The following WDFY2 variants were observed in gnomAD, a reference collection of about 807,000 sequenced individuals.
WDFY2 encodes WD repeat and FYVE domain containing 2, also known as WD repeat and FYVE domain-containing protein 2.
In WDFY2, 36 loss-of-function variants were observed where a neutral mutation model predicts 56.4. That is an observed-to-expected ratio of 0.64 (90% CI 0.49 to 0.84). The LOEUF is 0.84. Ranked by LOEUF, WDFY2 falls within the 40% of genes least tolerant of loss-of-function variation. The pLI, the probability that WDFY2 is intolerant of heterozygous loss-of-function variation, is 0.00. For synonymous variants in WDFY2, 176 were observed against 183.7 expected, an observed-to-expected ratio of 0.96 and a Z score of 0.34; for missense variants, 444 against 512.2, an observed-to-expected ratio of 0.87 and a Z score of 1.29.
chr13:51,654,663 A>G (rs1451082936), intron 1 of WDFY2, among the ~76,000 whole-genome samples: 1 of 152,188 alleles, frequency 6.6e-6, no homozygotes, highest in Non-Finnish European at 1.5e-5. Context: ...GTTGCTTTTA[A>G]AATAACAATT....
At position 51,655,090 on chromosome 13, in the gene WDFY2, C is replaced by A. The variant is rs147795136; in HGVS notation, c.138-5506C>A. 1.4e-4 allele frequency among the ~76,000 whole-genome samples: 21 copies of A among 152,206 alleles called. 1 individual carries two copies. The East Asian group carries it at 3.7e-3, about 27-fold the overall frequency. On this transcript the variant is annotated intron_variant, in intron 1 of 11. Coordinates refer to ENST00000298125, the MANE Select transcript of WDFY2 (RefSeq NM_052950.4). ...CTTAATTAATTTAATTAGCTTCAGT[C>A]GTTTTTTCTTGAGTGGATTATTTAG...
chr13:51,729,991 C>T (rs935239944), intron 6 of WDFY2, among the ~76,000 whole-genome samples: 3 of 152,138 alleles, frequency 2.0e-5, no homozygotes, highest in African/African-American at 4.8e-5. Context: ...TCCTCCCCCT[C>T]GGCCCCCCAG....
intron 1 of WDFY2, among the ~76,000 whole-genome samples, chr13:51,635,046 C>T (rs1054379263): frequency 6.6e-5 from 10 of 152,168 alleles, no homozygotes; most frequent in African/African-American, 2.4e-4. Flanking sequence ...TCAAGCAATT[C>T]TCCTGCCTCA....
chr13:51,681,511 T>A (rs1955976156), intron 3 of WDFY2, among the ~76,000 whole-genome samples: 1 of 152,170 alleles, frequency 6.6e-6, no homozygotes, highest in South Asian at 2.1e-4. Context: ...AGCTTATGAT[T>A]CTGTCATTAT....
intron 2 of WDFY2, among the ~76,000 whole-genome samples, chr13:51,667,240 G>A (rs1177306805): frequency 1.3e-5 from 2 of 152,168 alleles, no homozygotes; most frequent in Admixed American, 1.3e-4. Context: ...GGTTGTGGCT[G>A]GGTTGGTTTC....
At chr13:51,654,561 C>T (rs1472931797) in intron 1 of WDFY2, among the ~76,000 whole-genome samples, 2 of 152,086 alleles carry the variant, frequency 1.3e-5, no homozygotes, top group South Asian at 4.1e-4. Flanking sequence ...GACTTTTTTT[C>T]CCCCAATACC....
rs1953380679 is a variant in WDFY2 at position 51,756,312 on chromosome 13, AT to A, written c.934-16del. The A allele has an allele frequency of 6.2e-7, 1 of 1,608,534 alleles. No homozygotes were observed. The highest frequency in any genetic ancestry group is 2.2e-5 in the East Asian group (1 of 44,806). On this transcript the variant is annotated intron_variant, in intron 9 of 11. Transcript: ENST00000298125. ...GCTGAGGGAGCCGTGATGAGTATCT[AT>A]TTTATCTCCCTCCTCCAGCACCACT...
At chr13:51,724,472 C>T (rs775268178) in intron 5 of WDFY2, among the ~76,000 whole-genome samples, 94 of 152,204 alleles carry the variant, frequency 6.2e-4, no homozygotes, top group Non-Finnish European at 1.1e-3. Flanking sequence ...CTCCTGACCT[C>T]GTGATCCGAC....
chr13:51,763,290 GTTT>G lies in WDFY2; in HGVS notation c.*3526_*3528del, dbSNP rs970296817. The G allele has an allele frequency of 6.6e-6, 1 of 152,168 alleles. No homozygotes were observed. The allele number at this position is 152,168 out of a possible 1,614,324, so 9.4% of individuals were successfully genotyped here. On this transcript the variant is annotated 3_prime_UTR_variant, in exon 12 of 12. Transcript: ENST00000298125. ...CCTCTTATCGAAAGCATATATGACA[GTTT>G]TTTTGGCTCCGGCCCTGTGGTGGGG...
intron 1 of WDFY2, among the ~76,000 whole-genome samples, chr13:51,608,622 A>G (rs1419581496): frequency 1.3e-5 from 2 of 152,232 alleles, no homozygotes; most frequent in African/African-American, 4.8e-5. Flanking sequence ...TGGAGGTTGC[A>G]GTGAGACGAG....
intron 3 of WDFY2, among the ~76,000 whole-genome samples, chr13:51,689,932 T>A (rs1956123346): frequency 6.6e-6 from 1 of 152,106 alleles, no homozygotes. Flanking sequence ...GTTACTTGCC[T>A]TTTTCACTCT....
At chr13:51,744,346 G>A (rs1264492578) in intron 7 of WDFY2, among the ~76,000 whole-genome samples, 1 of 152,198 alleles carries the variant, frequency 6.6e-6, no homozygotes, top group East Asian at 1.9e-4. Context: ...GTTAGCTTGT[G>A]TCTGAGATCT....
chr13:51,709,944 C>T (rs1952172384), intron 4 of WDFY2, among the ~76,000 whole-genome samples: 1 of 152,140 alleles, frequency 6.6e-6, no homozygotes, highest in Non-Finnish European at 1.5e-5. Context: ...ATGAGGCCAG[C>T]ATCATCCTGA....
At chr13:51,589,145 A>G (rs1300475563) in intron 1 of WDFY2, 2 of 152,194 alleles carry the variant, frequency 1.3e-5, no homozygotes, top group Admixed American at 6.5e-5. Context: ...GGAGATATGC[A>G]TTATATGTTC....
Position 51,766,623 on chromosome 13 carries a change from T to C in WDFY2, c.*6854T>C, listed in dbSNP as rs1246431289. The C allele has an allele frequency of 6.6e-6, 1 of 152,250 alleles. No homozygotes were observed. The highest frequency in any genetic ancestry group is 1.5e-5 in the Non-Finnish European group (1 of 68,058). 9.4% of individuals were successfully genotyped at this position (152,250 alleles called of 1,614,324 possible). A position where few individuals can be genotyped will look rare whatever the true frequency, so the allele number is the denominator to read the frequency against. ...AAGAATTTCCTAGGATATTGAAACA[T>C]CTGTATCCAGGCCCCCAATCAAATG... On this transcript the variant is annotated 3_prime_UTR_variant, in exon 12 of 12. Transcript: ENST00000298125.
intron 1 of WDFY2, among the ~76,000 whole-genome samples, chr13:51,650,399 C>T (rs1436946974): frequency 6.6e-6 from 1 of 152,054 alleles, no homozygotes; most frequent in African/African-American, 2.4e-5. Context: ...AATTGAATAC[C>T]CTTTATTTCC....
At chr13:51,602,596 A>G (rs963046167) in intron 1 of WDFY2, among the ~76,000 whole-genome samples, 4 of 152,222 alleles carry the variant, frequency 2.6e-5, no homozygotes, top group South Asian at 2.1e-4. Context: ...TGGTTGCCCC[A>G]TGGTTGAAGA....
At chr13:51,621,108 C>A (rs1954717686) in intron 1 of WDFY2, among the ~76,000 whole-genome samples, 1 of 152,302 alleles carries the variant, frequency 6.6e-6, no homozygotes, top group Non-Finnish European at 1.5e-5. Flanking sequence ...TCTCTCTTCC[C>A]CCTTCCTGCA....
chr13:51,667,799 T>C (rs1031137663), intron 2 of WDFY2, among the ~76,000 whole-genome samples: 8 of 151,928 alleles, frequency 5.3e-5, no homozygotes, highest in Admixed American at 5.2e-4. Context: ...GTTTTTACTA[T>C]TCATATTCTT....
Sources: gnomAD v4.1 joint callset for allele counts (sites outside exome capture counted in the v4.1 genomes callset) on GRCh38, gnomAD v4.1.1 for gene constraint, MANE v1.5 for transcripts, NCBI Gene and HGNC (gene_info 2026-07-23, HGNC 2026-07-21) for gene names.